The following C2orf42 variants were observed in gnomAD, a reference collection of about 807,000 sequenced individuals.
C2orf42 encodes uncharacterized protein C2orf42.
A neutral mutation model predicts 58.9 loss-of-function variants in C2orf42; 44 were observed. The ratio of observed to expected loss-of-function variants is 0.75; its 90% CI spans 0.59 to 0.96. C2orf42 has a LOEUF of 0.96. Among genes scored for constraint, C2orf42 ranks in the 40% least tolerant of loss-of-function variants. The pLI is 0.00. For missense variants in C2orf42, 630 were observed against 699.2 expected (o/e 0.90, Z 1.12); for synonymous variants, 239 against 265.4 (o/e 0.90, Z 0.97).
chr2:70,156,157 A>C (rs1672660897), intron 9 of C2orf42, among the ~76,000 whole-genome samples: 3 of 151,582 alleles, frequency 2.0e-5, no homozygotes, highest in Non-Finnish European at 4.4e-5. Context: ...CTCCGTCTCA[A>C]AAAAAAAAGA....
intron 6 of C2orf42, among the ~76,000 whole-genome samples, chr2:70,169,247 C>CCCCACA (rs1363284724): frequency 7.1e-6 from 1 of 141,046 alleles, no homozygotes; most frequent in African/African-American, 2.5e-5. Flanking sequence ...ATCTCCCTCA[C>CCCCACA]CACACACACA....
At chr2:70,189,375 C>T (rs1261005240) in intron 1 of C2orf42, among the ~76,000 whole-genome samples, 6 of 123,278 alleles carry the variant, frequency 4.9e-5, no homozygotes, top group Admixed American at 4.1e-4. Flanking sequence ...CATTGCACTC[C>T]AGCCTGGGGA....
chr2:70,172,570 T>C (rs1419353926), intron 5 of C2orf42, among the ~76,000 whole-genome samples: 1 of 152,078 alleles, frequency 6.6e-6, no homozygotes, highest in South Asian at 2.1e-4. Flanking sequence ...TCCCAGCTAC[T>C]TGGGAGGCTA....
chr2:70,169,702 CT>C (rs777658231), intron 5 of C2orf42, 41 bp from the exon 6 acceptor site: 10 of 894,594 alleles, frequency 1.1e-5, no homozygotes, highest in Non-Finnish European at 1.8e-5. Flanking sequence ...TCTTTAGTAA[CT>C]TTTCTTACAA....
At chr2:70,169,534 C>T (rs749651470) in intron 6 of C2orf42, 23 bp downstream of exon 6, 18 of 1,186,284 alleles carry the variant, frequency 1.5e-5, no homozygotes, top group Non-Finnish European at 2.3e-5. Flanking sequence ...CAGCAAGAGC[C>T]CAGTTAGATG....
intron 1 of C2orf42, among the ~76,000 whole-genome samples, 181 bp from the exon 2 acceptor site, chr2:70,183,116 C>T (rs1190182953): frequency 6.6e-6 from 1 of 152,022 alleles, no homozygotes; most frequent in Non-Finnish European, 1.5e-5. Context: ...TAAAAAGGTG[C>T]TAATGTCATT....
intron 9 of C2orf42, among the ~76,000 whole-genome samples, chr2:70,159,779 C>T (rs1193630377): frequency 6.6e-6 from 1 of 151,942 alleles, no homozygotes; most frequent in Non-Finnish European, 1.5e-5. Context: ...TGAAGCGATC[C>T]TGCTGCCTCA....
In C2orf42 at chr2:70,179,644, TAA is replaced by T; in HGVS notation, c.824-4_824-3del. On this transcript the variant is annotated splice_region_variant and splice_polypyrimidine_tract_variant and intron_variant, in intron 3 of 9. Transcript: ENST00000264434. ...GGGGTACAATAATCTCTTTAAGACC[TAA>T]AAAAAAGAAGATTTCTGAATTATTA... 2 of 1,236,336 alleles carry T rather than the reference TAA, an allele frequency of 1.6e-6. No individual in the cohort carries two copies. Among genetic ancestry groups the T allele is most frequent in the South Asian group, 1.2e-5 (1 of 80,898 alleles). 76.6% of individuals were successfully genotyped at this position (1,236,336 alleles called of 1,614,324 possible).
chr2:70,190,693 C>A (rs1228219131), intron 1 of C2orf42: 1 of 152,228 alleles, frequency 6.6e-6, no homozygotes, highest in African/African-American at 2.4e-5. Flanking sequence ...ACGCTCACCT[C>A]CCGGCCGGCT....
At chr2:70,176,775 T>G (rs1674222418) in intron 4 of C2orf42, among the ~76,000 whole-genome samples, 1 of 152,110 alleles carries the variant, frequency 6.6e-6, no homozygotes, top group Non-Finnish European at 1.5e-5. Flanking sequence ...ACTACAGGCA[T>G]GCACCACTGC....
intron 1 of C2orf42, among the ~76,000 whole-genome samples, chr2:70,187,304 G>A (rs935755235): frequency 3.3e-5 from 5 of 152,156 alleles, no homozygotes; most frequent in Non-Finnish European, 7.3e-5. Context: ...AGGCTGGAGT[G>A]CAATGACGCA....
intron 3 of C2orf42, among the ~76,000 whole-genome samples, 174 bp from the exon 4 acceptor site, chr2:70,179,816 TG>T (rs1271106648): frequency 1.3e-5 from 2 of 152,070 alleles, no homozygotes; most frequent in Non-Finnish European, 2.9e-5. Context: ...ACCACGCCTG[TG>T]TTCCCAGCTA....
At position 70,149,901 on chromosome 2, in the gene C2orf42, A is replaced by C. The variant is rs1213542492; in HGVS notation, c.*455T>G. 6.3e-6 allele frequency: 1 copy of C among 158,514 alleles called. No homozygotes were observed. The highest frequency in any genetic ancestry group is 1.4e-5 in the Non-Finnish European group (1 of 72,552). 9.8% of individuals were successfully genotyped at this position (158,514 alleles called of 1,614,324 possible). A position where few individuals can be genotyped will look rare whatever the true frequency, so the allele number is the denominator to read the frequency against. On this transcript the variant is annotated 3_prime_UTR_variant, in exon 10 of 10. Coordinates refer to ENST00000264434, the MANE Select transcript of C2orf42 (RefSeq NM_017880.3). ...GAGATATAATTAGGAAAAACTAGTG[A>C]CACTGCTTTATTTGAGAACAGAATA...
At chr2:70,188,178 T>C (rs1675080148) in intron 1 of C2orf42, among the ~76,000 whole-genome samples, 1 of 152,012 alleles carries the variant, frequency 6.6e-6, no homozygotes, top group African/African-American at 2.4e-5. Context: ...TGTCCACTAA[T>C]GCCCCTTTTT....
intron 4 of C2orf42, 146 bp downstream of exon 4, chr2:70,179,386 T>C (rs1674399895): frequency 9.6e-6 from 3 of 312,148 alleles, no homozygotes; most frequent in Non-Finnish European, 1.7e-5. Flanking sequence ...CTGGGCAAGA[T>C]GGTAAGACCC....
At chr2:70,183,621 G>T (rs1674724629) in intron 1 of C2orf42, among the ~76,000 whole-genome samples, 1 of 151,304 alleles carries the variant, frequency 6.6e-6, no homozygotes, top group South Asian at 2.1e-4. Context: ...AGTAGAGACG[G>T]GGTTTCACTG....
chr2:70,172,356 A>C (rs1673882730), intron 5 of C2orf42, among the ~76,000 whole-genome samples: 1 of 151,742 alleles, frequency 6.6e-6, no homozygotes, highest in Admixed American at 6.6e-5. Context: ...AGAGCCTTCC[A>C]CAGATCTATC....
chr2:70,172,028 G>C (rs1366987199), intron 5 of C2orf42, among the ~76,000 whole-genome samples: 1 of 151,380 alleles, frequency 6.6e-6, no homozygotes, highest in Non-Finnish European at 1.5e-5. Flanking sequence ...TTCGAGACCA[G>C]CCTGGCCAAC....
intron 4 of C2orf42, among the ~76,000 whole-genome samples, chr2:70,178,579 G>A (rs566240188): frequency 4.6e-5 from 7 of 152,012 alleles, no homozygotes; most frequent in Non-Finnish European, 1.0e-4. Flanking sequence ...GTGTACTCCA[G>A]CCTGGGCAAC....
Sources: gnomAD v4.1 joint callset for allele counts (sites outside exome capture counted in the v4.1 genomes callset) on GRCh38, gnomAD v4.1.1 for gene constraint, MANE v1.5 for transcripts, NCBI Gene and HGNC (gene_info 2026-07-23, HGNC 2026-07-21) for gene names.